PPP2R2B: variants seen among roughly 807,000 people sequenced by gnomAD.
PPP2R2B encodes the protein protein phosphatase 2 regulatory subunit Bbeta.
Under a neutral mutation model 46.0 loss-of-function variants are expected in PPP2R2B, and 5 were observed. The observed-to-expected ratio is 0.11, with a 90% CI of 0.06 to 0.23. PPP2R2B has a LOEUF of 0.23. Ranked by LOEUF, PPP2R2B falls within the 10% of genes least tolerant of loss-of-function variation. PPP2R2B has a pLI of 1.00. For synonymous variants in PPP2R2B, 215 were observed against 206.7 expected (o/e 1.04, Z -0.34); for missense variants, 367 against 575.0 (o/e 0.64, Z 3.70).
chr5:146,766,842 T>C (rs1232119172), intron 2 of PPP2R2B, among the ~76,000 whole-genome samples: 2 of 151,798 alleles, frequency 1.3e-5, no homozygotes, highest in Non-Finnish European at 2.9e-5. Context: ...TCACTTGAGG[T>C]CAGGAGTTCA....
intron 1 of PPP2R2B, among the ~76,000 whole-genome samples, chr5:147,030,865 C>T (rs78652028): frequency 0.016 from 2,432 of 152,240 alleles, 36 homozygotes; most frequent in Non-Finnish European, 0.026. Context: ...CAACACTTTT[C>T]ATTATGGTTC....
At chr5:146,605,604 G>A (rs887243370) in intron 7 of PPP2R2B, among the ~76,000 whole-genome samples, 2 of 152,172 alleles carry the variant, frequency 1.3e-5, no homozygotes, top group African/African-American at 4.8e-5. Context: ...CACTAGATCT[G>A]CCCTGCTGAC....
At chr5:146,982,310 T>TAA in intron 1 of PPP2R2B, among the ~76,000 whole-genome samples, 1 of 152,326 alleles carries the variant, frequency 6.6e-6, no homozygotes, top group African/African-American at 2.4e-5. Flanking sequence ...AAGACTTCCT[T>TAA]TTTGACCCAT....
At chr5:147,015,577 T>C (rs1278679135) in intron 1 of PPP2R2B, among the ~76,000 whole-genome samples, 2 of 151,620 alleles carry the variant, frequency 1.3e-5, no homozygotes, top group African/African-American at 4.8e-5. Context: ...CTGCCTTCTC[T>C]GAGTCTTACG....
intron 2 of PPP2R2B, among the ~76,000 whole-genome samples, chr5:146,721,600 C>T (rs555330205): frequency 1.3e-5 from 2 of 152,356 alleles, no homozygotes; most frequent in Admixed American, 1.3e-4. Flanking sequence ...CTATTTTGTT[C>T]AACATCATTG....
At chr5:146,797,445 C>G (rs1187826370) in intron 2 of PPP2R2B, among the ~76,000 whole-genome samples, 1 of 152,152 alleles carries the variant, frequency 6.6e-6, no homozygotes, top group South Asian at 2.1e-4. Flanking sequence ...TTTTTCAAAC[C>G]AACTTGCCTG....
chr5:146,819,416 G>C (rs1048744064), intron 2 of PPP2R2B, among the ~76,000 whole-genome samples: 3 of 152,180 alleles, frequency 2.0e-5, no homozygotes, highest in African/African-American at 7.2e-5. Context: ...AGTATGCAGA[G>C]AGAGACACAA....
chr5:146,666,608 C>A (rs1303918194), intron 5 of PPP2R2B, among the ~76,000 whole-genome samples: 1 of 152,162 alleles, frequency 6.6e-6, no homozygotes, highest in African/African-American at 2.4e-5. Context: ...TTTCTTTGCA[C>A]AACAGCACTT....
chr5:146,659,746 G>A (rs1776564415), intron 5 of PPP2R2B, among the ~76,000 whole-genome samples: 5 of 152,170 alleles, frequency 3.3e-5, no homozygotes, highest in Admixed American at 3.3e-4. Flanking sequence ...GTTTGCCCAA[G>A]GTCATATTGT....
intron 2 of PPP2R2B, among the ~76,000 whole-genome samples, chr5:146,814,700 A>G (rs888329108): frequency 2.0e-5 from 3 of 152,172 alleles, no homozygotes; most frequent in African/African-American, 7.2e-5. Context: ...TAGTAAACAC[A>G]TTGCACATGT....
Position 146,872,017 on chromosome 5 carries a change from C to T in PPP2R2B, c.70+5985G>A, listed in dbSNP as rs78022777. 7.9e-5 allele frequency among the ~76,000 whole-genome samples: 12 copies of T among 152,258 alleles called. No homozygotes were observed. The East Asian group carries it at 1.7e-3, about 22-fold the overall frequency. ...TAGTTTCTTTCCCTCAGCTAAGTGTCGAAATTGGACCCCTATTTCTTCTTA... is the reference window on the plus strand; with the variant it reads ...TAGTTTCTTTCCCTCAGCTAAGTGTTGAAATTGGACCCCTATTTCTTCTTA... On this transcript the variant is annotated intron_variant, in intron 2 of 9. Coordinates refer to ENST00000394411, the MANE Select transcript of PPP2R2B (RefSeq NM_181675.4).
At chr5:146,812,803 A>ATATATATATATATG in intron 2 of PPP2R2B, among the ~76,000 whole-genome samples, 3 of 52,732 alleles carry the variant, frequency 5.7e-5, no homozygotes, top group Non-Finnish European at 1.0e-4. Context: ...GTATATATAT[A>ATATATATATATATG]TATATATATA....
intron 2 of PPP2R2B, among the ~76,000 whole-genome samples, chr5:146,708,846 G>T (rs1177625236): frequency 6.6e-6 from 1 of 152,096 alleles, no homozygotes; most frequent in Non-Finnish European, 1.5e-5. Context: ...TCCAAGCTAC[G>T]TTATCCATGA....
intron 2 of PPP2R2B, among the ~76,000 whole-genome samples, chr5:146,808,536 G>A (rs1273367276): frequency 1.3e-5 from 2 of 152,150 alleles, no homozygotes; most frequent in African/African-American, 4.8e-5. Flanking sequence ...TGGAAAGGAA[G>A]AACTGACCAA....
At chr5:146,967,387 A>G (rs1486999829) in intron 1 of PPP2R2B, among the ~76,000 whole-genome samples, 1 of 152,220 alleles carries the variant, frequency 6.6e-6, no homozygotes, top group Non-Finnish European at 1.5e-5. Flanking sequence ...GCAGGGTTCA[A>G]ATGATCTCAT....
chr5:146,821,345 T>C (rs1271578123), intron 2 of PPP2R2B, among the ~76,000 whole-genome samples: 1 of 152,190 alleles, frequency 6.6e-6, no homozygotes, highest in East Asian at 1.9e-4. Context: ...TTCACTGTCA[T>C]ACCACCCATT....
intron 7 of PPP2R2B, among the ~76,000 whole-genome samples, 183 bp downstream of exon 7, chr5:146,638,068 T>G (rs1023159879): frequency 1.3e-5 from 2 of 152,176 alleles, no homozygotes; most frequent in Admixed American, 6.5e-5. Flanking sequence ...TCTCTGGATG[T>G]TTTGGAATCG....
chr5:146,699,372 A>G (rs1779402851), intron 3 of PPP2R2B, among the ~76,000 whole-genome samples: 1 of 152,190 alleles, frequency 6.6e-6, no homozygotes, highest in Non-Finnish European at 1.5e-5. Context: ...TTTAGTGCTC[A>G]TTTTAATCCC....
At chr5:146,691,740 C>T (rs1480703889) in intron 4 of PPP2R2B, among the ~76,000 whole-genome samples, 8 of 152,178 alleles carry the variant, frequency 5.3e-5, no homozygotes, top group African/African-American at 1.9e-4. Context: ...ACCCCCCTGT[C>T]CATCCTCTCC....
Sources: allele counts gnomAD v4.1 joint callset (sites outside exome capture counted in the v4.1 genomes callset), GRCh38; gene constraint gnomAD v4.1.1; transcripts MANE v1.5; gene names NCBI Gene and HGNC (gene_info 2026-07-23, HGNC 2026-07-21).